The following PARP4 variants were observed in gnomAD, a reference collection of about 807,000 sequenced individuals.
The protein encoded by PARP4 is poly(ADP-ribose) polymerase family member 4.
PARP4 carries 120 observed loss-of-function variants against 187.7 expected under a neutral mutation model. That is an observed-to-expected ratio of 0.64 (90% CI 0.55 to 0.74). The LOEUF is 0.74. Ranked by LOEUF, PARP4 falls within the 30% of genes least tolerant of loss-of-function variation. PARP4 has a pLI of 0.00. For synonymous variants in PARP4, 654 were observed against 740.9 expected (o/e 0.88, Z 1.90); for missense variants, 1,836 against 2,070.5 (o/e 0.89, Z 2.20).
chr13:24,425,941 C>T (rs7986162), intron 33 of PARP4, among the ~76,000 whole-genome samples: 65,144 of 151,870 alleles, frequency 0.43, 14,710 homozygotes, highest in African/African-American at 0.57. Flanking sequence ...AACCAAGGGC[C>T]GAATTTGAAC....
At chr13:24,510,281 G>A (rs1372764764) in intron 1 of PARP4, among the ~76,000 whole-genome samples, 4 of 152,180 alleles carry the variant, frequency 2.6e-5, no homozygotes, top group African/African-American at 9.6e-5. Flanking sequence ...TTGGCCGGGC[G>A]CGGTGGCTCA....
rs375728513 is a variant in PARP4, at chr13:24,508,811, G to A, written c.-2+3895C>T. 1.3e-3 allele frequency among the ~76,000 whole-genome samples: 199 copies of A among 152,044 alleles called. 1 individual carries two copies. Among genetic ancestry groups the A allele is most frequent in the African/African-American group, 4.6e-3 (192 of 41,338 alleles). The stretch of plus-strand genomic sequence containing the variant: ...TTACAGGCATGAGTCACCGCACCCA[G>A]CCACAGACTGTATTTTTTATCAAAA... On this transcript the variant is annotated intron_variant, in intron 1 of 33. Coordinates refer to ENST00000381989, the MANE Select transcript of PARP4 (RefSeq NM_006437.4).
intron 2 of PARP4, among the ~76,000 whole-genome samples, chr13:24,502,701 T>C (rs1280940506): frequency 1.3e-5 from 2 of 152,224 alleles, no homozygotes; most frequent in Non-Finnish European, 2.9e-5. Flanking sequence ...GGAGAGACCA[T>C]GTTGGCAGTT....
chr13:24,429,061 G>A (rs1187313592), intron 32 of PARP4, among the ~76,000 whole-genome samples: 1 of 151,534 alleles, frequency 6.6e-6, no homozygotes, highest in African/African-American at 2.4e-5. Flanking sequence ...TGAGTGCATT[G>A]TCAATCGAAT....
intron 33 of PARP4, among the ~76,000 whole-genome samples, chr13:24,424,389 T>C (rs1360161894): frequency 6.8e-6 from 1 of 147,310 alleles, no homozygotes; most frequent in East Asian, 1.9e-4. Flanking sequence ...TATTTTTCTC[T>C]TGCCATTTAT....
chr13:24,512,778 T>C lies in PARP4; in HGVS notation c.-74A>G, dbSNP rs1257900300. 7 of 152,256 alleles carry C rather than the reference T, an allele frequency of 4.6e-5. No homozygotes were observed. Among genetic ancestry groups the C allele is most frequent in the Non-Finnish European group, 7.3e-5 (5 of 68,096 alleles). The allele number at this position is 152,256 out of a possible 1,614,324, so 9.4% of individuals were successfully genotyped here. On this transcript the variant is annotated 5_prime_UTR_variant, in exon 1 of 34. Coordinates refer to ENST00000381989, the MANE Select transcript of PARP4 (RefSeq NM_006437.4). Reference sequence around the variant, plus strand: ...CCTTGCTCGCGGTACTTCCGTAATCTAGGCTCTCCCTGCCCCCGGGGCTGG... The same window carrying C: ...CCTTGCTCGCGGTACTTCCGTAATCCAGGCTCTCCCTGCCCCCGGGGCTGG...
chr13:24,501,238 AAT>A (rs1869263924), intron 3 of PARP4, among the ~76,000 whole-genome samples: 1 of 152,244 alleles, frequency 6.6e-6, no homozygotes, highest in Admixed American at 6.5e-5. Context: ...TTATAAAGAA[AAT>A]ATGTTTCTTT....
intron 24 of PARP4, among the ~76,000 whole-genome samples, chr13:24,450,327 T>C (rs541985451): frequency 1.2e-3 from 182 of 151,908 alleles, no homozygotes; most frequent in African/African-American, 4.2e-3. Context: ...CCCTATTACT[T>C]TTCTCTCTAC....
At position 24,486,082 on chromosome 13, in the gene PARP4, T is replaced by G. The variant is rs889142687; in HGVS notation, c.1352+86A>C. ...ATTTTAACTGAAAAGACTCACGTAA[T>G]ATAGAAAAAAGTAGGAAAAAAAGAA... is the stretch of plus-strand genomic sequence containing the variant. On this transcript the variant is annotated intron_variant, in intron 11 of 33. Coordinates refer to ENST00000381989, the MANE Select transcript of PARP4 (RefSeq NM_006437.4). 3 of 1,221,706 alleles carry G rather than the reference T, an allele frequency of 2.5e-6. No homozygotes were observed. The African/African-American group carries it at 4.6e-5, about 19-fold the overall frequency. The allele number at this position is 1,221,706 out of a possible 1,614,324, so 75.7% of individuals were successfully genotyped here.
At chr13:24,448,650 A>G (rs1188122721) in intron 25 of PARP4, among the ~76,000 whole-genome samples, 1 of 152,234 alleles carries the variant, frequency 6.6e-6, no homozygotes, top group Non-Finnish European at 1.5e-5. Flanking sequence ...AGCAGACTCA[A>G]ACAGACACTT....
In PARP4 at chr13:24,456,354, T is replaced by C. The variant is rs756275168; in HGVS notation, c.2549A>G (p.Glu850Gly). 4 of 1,608,476 alleles carry C rather than the reference T, an allele frequency of 2.5e-6. No individual in the cohort carries two copies. Among genetic ancestry groups the C allele is most frequent in the Non-Finnish European group, 3.4e-6 (4 of 1,175,940 alleles). Residue 850 changes from glutamate (E) to glycine (G), a missense_variant, in exon 21 of 34, where the codon GAA becomes GGA. Around this residue, in one of 8 missense-constraint regions of PARP4, gnomAD observed 1,147 missense variants for 1,214.2 expected, o/e 0.94. Transcript: ENST00000381989. ...AAAGGAGTATACCTCGCTTTCTTTTTCTGGATGTTTTTCAACCCACATTCT... is the reference window on the plus strand; with the variant it reads ...AAAGGAGTATACCTCGCTTTCTTTTCCTGGATGTTTTTCAACCCACATTCT... ...LPRMWVEKHP[E>G]KESEACMLVF...
chr13:24,435,932 A>G (rs75178905), intron 30 of PARP4, among the ~76,000 whole-genome samples: 22 of 56,332 alleles, frequency 3.9e-4, no homozygotes, highest in Admixed American at 1.4e-3. Flanking sequence ...AAAAAAAAAA[A>G]AAAAGAAAGA....
At chr13:24,469,245 G>A (rs7337981) in intron 16 of PARP4, 135 bp from the exon 17 acceptor site, 339,263 of 633,002 alleles carry the variant, frequency 0.54, 92,128 homozygotes, top group South Asian at 0.63. Flanking sequence ...AAACTTAAAT[G>A]AAGTGATCAT....
intron 20 of PARP4, among the ~76,000 whole-genome samples, chr13:24,457,793 A>AAAAAAAAAAAAAAAAAAAAAAAAAG (rs1566000254): frequency 1.3e-5 from 2 of 148,512 alleles, no homozygotes; most frequent in African/African-American, 5.0e-5. Flanking sequence ...AAAAAAAAAA[A>AAAAAAAAAAAAAAAAAAAAAAAAAG]AAAGAAAAAA....
intron 31 of PARP4, among the ~76,000 whole-genome samples, chr13:24,433,645 G>C (rs1318469169): frequency 6.6e-6 from 1 of 152,176 alleles, no homozygotes; most frequent in Non-Finnish European, 1.5e-5. Context: ...CTGGGCAGCT[G>C]TGATTATCCT....
chr13:24,440,430 A>T (rs1698498066), intron 30 of PARP4, among the ~76,000 whole-genome samples: 1 of 151,072 alleles, frequency 6.6e-6, no homozygotes, highest in Admixed American at 6.6e-5. Context: ...AAAAAAAAAA[A>T]AAAAAAAAGA....
chr13:24,425,542 CATGT>C (rs1253329237), intron 33 of PARP4, among the ~76,000 whole-genome samples: 4 of 65,228 alleles, frequency 6.1e-5, no homozygotes, highest in South Asian at 5.9e-4. Context: ...TGCATGTGTG[CATGT>C]GTGTGTGTGT....
At chr13:24,445,870 C>A (rs150367174) in intron 27 of PARP4, among the ~76,000 whole-genome samples, 1 of 152,118 alleles carries the variant, frequency 6.6e-6, no homozygotes, top group Non-Finnish European at 1.5e-5. Context: ...TGGGACTGAG[C>A]CCTCAACTCT....
At chr13:24,498,257 C>T (rs1869070654) in intron 5 of PARP4, 28 bp from the exon 6 acceptor site, 1 of 1,458,058 alleles carries the variant, frequency 6.9e-7, no homozygotes, top group Non-Finnish European at 9.6e-7. Context: ...CTTTCAGAAG[C>T]TGCACTCGGG....
Sources: allele counts gnomAD v4.1 joint callset (sites outside exome capture counted in the v4.1 genomes callset), GRCh38; gene constraint gnomAD v4.1.1; regional missense constraint gnomAD v4.1.1; transcripts MANE v1.5; gene names NCBI Gene and HGNC (gene_info 2026-07-23, HGNC 2026-07-21).